The following UVRAG variants were observed in gnomAD, a reference collection of about 807,000 sequenced individuals.
UVRAG encodes the protein UV radiation resistance-associated gene protein.
UVRAG carries 19 observed loss-of-function variants against 78.0 expected under a neutral mutation model. The ratio of observed to expected loss-of-function variants is 0.24; its 90% confidence interval spans 0.17 to 0.36. UVRAG has a LOEUF of 0.36. Ranked by LOEUF, UVRAG falls within the 10% of genes least tolerant of loss-of-function variation. UVRAG has a pLI of 1.00. For synonymous variants in UVRAG, 323 were observed against 324.6 expected (o/e 1.00, Z 0.05); for missense variants, 740 against 853.8 (o/e 0.87, Z 1.66).
intron 5 of UVRAG, among the ~76,000 whole-genome samples, chr11:75,898,261 T>C (rs1349478354): frequency 1.3e-5 from 2 of 152,220 alleles, no homozygotes; most frequent in African/African-American, 4.8e-5. Context: ...TTATCATTAT[T>C]TGCTTAAAAG....
chr11:75,961,332 A>G (rs781689596), intron 6 of UVRAG, 112 bp from the exon 7 acceptor site: 56 of 761,328 alleles, frequency 7.4e-5, no homozygotes, highest in Admixed American at 6.5e-5. Flanking sequence ...TTAAAAATCA[A>G]TTGAGTTCAT....
At chr11:75,853,258 C>CT (rs113746488) in intron 2 of UVRAG, among the ~76,000 whole-genome samples, 30,494 of 151,874 alleles carry the variant, frequency 0.2, 4,870 homozygotes, top group African/African-American at 0.44. Flanking sequence ...TGTTTAACAA[C>CT]TTTTTTTAAT....
At chr11:75,932,288 T>G (rs57556992) in intron 6 of UVRAG, among the ~76,000 whole-genome samples, 3 of 151,342 alleles carry the variant, frequency 2.0e-5, no homozygotes, top group African/African-American at 7.3e-5. Context: ...TTTATTTATT[T>G]ATTTATTTAT....
intron 13 of UVRAG, among the ~76,000 whole-genome samples, chr11:76,090,457 A>G (rs1430845505): frequency 6.6e-6 from 1 of 152,054 alleles, no homozygotes; most frequent in Non-Finnish European, 1.5e-5. Context: ...GGCAGTGCCT[A>G]TTTCCAGCTT....
At chr11:75,901,372 A>G (rs1947495980) in intron 5 of UVRAG, among the ~76,000 whole-genome samples, 1 of 152,184 alleles carries the variant, frequency 6.6e-6, no homozygotes, top group South Asian at 2.1e-4. Context: ...AATATAGAAC[A>G]CTGGCAAGTC....
rs531568968 is a variant in UVRAG at position 75,838,214 on chromosome 11, C to T, written c.118-13669C>T. 1.8e-4 allele frequency among the ~76,000 whole-genome samples: 27 copies of T among 152,244 alleles called. No individual in the cohort carries two copies. In the South Asian group the frequency reaches 5.2e-3, roughly 29 times the overall value. ...ACTGTAGGATATATCATAATTTAGT[C>T]CCCTATTGATGTACATTTCAGTTAT... is the stretch of plus-strand genomic sequence containing the variant. On this transcript the variant is annotated intron_variant, in intron 1 of 14. Transcript: ENST00000356136.
intron 12 of UVRAG, among the ~76,000 whole-genome samples, chr11:76,022,169 T>C (rs1950256206): frequency 6.6e-6 from 1 of 152,242 alleles, no homozygotes; most frequent in East Asian, 1.9e-4. Flanking sequence ...AGTTTTATGA[T>C]TGTAATATTT....
At chr11:75,979,119 GT>G (rs1591087667) in intron 7 of UVRAG, among the ~76,000 whole-genome samples, 1 of 152,242 alleles carries the variant, frequency 6.6e-6, no homozygotes, top group African/African-American at 2.4e-5. Flanking sequence ...CTGCAGGTCT[GT>G]TGGAGTTTGC....
intron 2 of UVRAG, among the ~76,000 whole-genome samples, chr11:75,856,575 G>A: frequency 6.6e-6 from 1 of 152,084 alleles, no homozygotes; most frequent in South Asian, 2.1e-4. Flanking sequence ...CTCCCGAGTA[G>A]CTGGGACTAT....
Position 75,888,910 on chromosome 11 carries a change from A to C in UVRAG, c.507+7A>C, listed in dbSNP as rs200377807. 9.9e-6 allele frequency: 16 copies of C among 1,611,710 alleles called. No individual in the cohort carries two copies. The African/African-American group carries it at 1.6e-4, about 16-fold the overall frequency. On this transcript the variant is annotated splice_region_variant and intron_variant, in intron 5 of 14. Coordinates refer to ENST00000356136, the MANE Select transcript of UVRAG (RefSeq NM_003369.4). ...TGCTCCATTTGAACATAAGGTAAGA[A>C]GATCCTTCTAATGTTATGAATTTTG...
intron 1 of UVRAG, among the ~76,000 whole-genome samples, chr11:75,825,393 A>G (rs1339139444): frequency 5.9e-5 from 9 of 152,098 alleles, no homozygotes; most frequent in Non-Finnish European, 1.3e-4. Context: ...GATTGCAGGC[A>G]TGAGCCACTG....
chr11:76,074,468 C>T (rs1056794673), intron 13 of UVRAG, among the ~76,000 whole-genome samples: 1 of 152,144 alleles, frequency 6.6e-6, no homozygotes, highest in Non-Finnish European at 1.5e-5. Context: ...TTTCTGAAAG[C>T]TCAATATTTA....
intron 12 of UVRAG, among the ~76,000 whole-genome samples, chr11:76,059,476 G>A (rs1444317161): frequency 1.3e-5 from 2 of 152,174 alleles, no homozygotes; most frequent in Admixed American, 1.3e-4. Context: ...TCAACTGGAG[G>A]CAGTTTGAAC....
chr11:75,987,767 G>A (rs546296085), intron 8 of UVRAG, among the ~76,000 whole-genome samples: 3 of 149,550 alleles, frequency 2.0e-5, no homozygotes, highest in African/African-American at 4.9e-5. Flanking sequence ...ATGGAGTTTC[G>A]CTCTTGTCTC....
intron 12 of UVRAG, among the ~76,000 whole-genome samples, chr11:76,038,523 A>AT (rs1262315080): frequency 6.4e-4 from 97 of 152,340 alleles, no homozygotes; most frequent in Non-Finnish European, 1.2e-3. Context: ...TAAAATACAA[A>AT]TTTTATATCA....
intron 6 of UVRAG, among the ~76,000 whole-genome samples, chr11:75,955,645 A>G (rs570786690): frequency 3.9e-5 from 6 of 152,270 alleles, no homozygotes; most frequent in African/African-American, 1.4e-4. Flanking sequence ...CACTCTTGTA[A>G]TCCCAACACT....
chr11:75,967,039 C>T (rs1056736082), intron 7 of UVRAG, among the ~76,000 whole-genome samples: 1 of 152,138 alleles, frequency 6.6e-6, no homozygotes, highest in Admixed American at 6.5e-5. Context: ...TGCAGCCACC[C>T]TCAGGGAAAA....
chr11:75,983,806 G>T, intron 8 of UVRAG: 1 of 246,524 alleles, frequency 4.1e-6, no homozygotes, highest in Non-Finnish European at 7.7e-6. Flanking sequence ...ATAACACAAT[G>T]GTGAGTATTT....
intron 5 of UVRAG, among the ~76,000 whole-genome samples, chr11:75,905,446 A>G (rs943804160): frequency 1.8e-4 from 28 of 152,216 alleles, no homozygotes; most frequent in African/African-American, 6.5e-4. Flanking sequence ...CTCACTTTCT[A>G]TTTTGCTGTC....
Sources: gnomAD v4.1 joint callset for allele counts (sites outside exome capture counted in the v4.1 genomes callset) on GRCh38, gnomAD v4.1.1 for gene constraint, MANE v1.5 for transcripts, NCBI Gene and HGNC (gene_info 2026-07-23, HGNC 2026-07-21) for gene names.